The following FBXL14 variants were observed in gnomAD, a reference collection of about 807,000 sequenced individuals.
FBXL14 encodes F-box and leucine rich repeat protein 14.
Under a neutral mutation model 24.5 loss-of-function variants are expected in FBXL14, and 11 were observed. The observed-to-expected ratio is 0.45, with a 90% CI of 0.28 to 0.74. The LOEUF (loss-of-function observed/expected upper bound fraction) is 0.74. Ranked by LOEUF, FBXL14 falls within the 30% of genes least tolerant of loss-of-function variation. The pLI, the probability that FBXL14 is intolerant of heterozygous loss-of-function variation, is 0.12. For missense variants in FBXL14, 384 were observed against 545.6 expected, an observed-to-expected ratio of 0.70 and a Z score of 2.95; for synonymous variants, 294 against 240.4, an observed-to-expected ratio of 1.22 and a Z score of -2.06.
chr12:1,577,202 G>C (rs1323239172), intron 1 of FBXL14, among the ~76,000 whole-genome samples: 1 of 152,186 alleles, frequency 6.6e-6, no homozygotes, highest in African/African-American at 2.4e-5. Context: ...GCCCTGTGTG[G>C]ACAGATGCTT....
At chr12:1,576,925 C>T in intron 1 of FBXL14, among the ~76,000 whole-genome samples, 1 of 152,178 alleles carries the variant, frequency 6.6e-6, no homozygotes, top group African/African-American at 2.4e-5. Context: ...TCCCAATAAA[C>T]CGGCAGGATT....
chr12:1,590,442 T>A (rs2094486873), intron 1 of FBXL14, among the ~76,000 whole-genome samples: 1 of 152,158 alleles, frequency 6.6e-6, no homozygotes, highest in Non-Finnish European at 1.5e-5. Context: ...GTATTTTTTT[T>A]AACAATCTCA....
At chr12:1,594,764 C>T (rs960104732), upstream of FBXL14, among the ~76,000 whole-genome samples, 4 of 149,986 alleles carry the variant, frequency 2.7e-5, no homozygotes, top group Admixed American at 6.6e-5. Context: ...AGACCCCGGG[C>T]GAGCAGGCGG....
At chr12:1,580,909 G>C (rs563764066) in intron 1 of FBXL14, among the ~76,000 whole-genome samples, 2 of 152,256 alleles carry the variant, frequency 1.3e-5, no homozygotes, top group East Asian at 3.9e-4. Context: ...GCAGAGGTAG[G>C]AATGAATACA....
intron 1 of FBXL14, among the ~76,000 whole-genome samples, chr12:1,589,702 T>C (rs2094485162): frequency 6.6e-6 from 1 of 152,194 alleles, no homozygotes; most frequent in African/African-American, 2.4e-5. Context: ...CCAAAAAGGT[T>C]GAGAGATGAG....
At chr12:1,581,143 G>A (rs1019532748) in intron 1 of FBXL14, among the ~76,000 whole-genome samples, 4 of 151,830 alleles carry the variant, frequency 2.6e-5, no homozygotes, top group East Asian at 3.9e-4. Context: ...CATAGACGGC[G>A]ACAGGAAATT....
chr12:1,589,268 G>A (rs1166198044), intron 1 of FBXL14, among the ~76,000 whole-genome samples: 1 of 150,924 alleles, frequency 6.6e-6, no homozygotes, highest in Non-Finnish European at 1.5e-5. Flanking sequence ...CCATGGTGGT[G>A]TGCGCCTGTA....
intron 1 of FBXL14, among the ~76,000 whole-genome samples, chr12:1,572,538 G>A (rs1565582089): frequency 6.6e-6 from 1 of 152,334 alleles, no homozygotes; most frequent in East Asian, 1.9e-4. Context: ...AGGTCCAGGG[G>A]GCCCGCCCCA....
chr12:1,593,689 G>A lies in FBXL14; in HGVS notation c.378C>T (p.Leu126=), dbSNP rs530748229. The A allele has an allele frequency of 1.9e-6, 3 of 1,614,170 alleles. No individual in the cohort carries two copies. Among genetic ancestry groups the A allele is most frequent in the African/African-American group, 1.3e-5 (1 of 75,068 alleles). ...IGSLRALNLS[L]CKQITDSSLG... ...GGCTGCTGTCAGTGATCTGCTTGCA[G>A]AGGCTCAGGTTGAGAGCGCGCAGGG... Residue 126 remains leucine, a synonymous_variant, in exon 1 of 2, where the codon CTC becomes CTT. Transcript: ENST00000339235. This position sits in a 1 kb window ranked among gnomAD's most constrained non-coding sequence, Gnocchi z 7.4.
chr12:1,584,110 C>T (rs867234861), intron 1 of FBXL14, among the ~76,000 whole-genome samples: 50 of 151,762 alleles, frequency 3.3e-4, no homozygotes, highest in Middle Eastern at 6.4e-3. Context: ...TTTGGGAGGC[C>T]GAGATGGGAG....
At chr12:1,585,526 C>T (rs1325731288) in intron 1 of FBXL14, among the ~76,000 whole-genome samples, 1 of 151,866 alleles carries the variant, frequency 6.6e-6, no homozygotes, top group Non-Finnish European at 1.5e-5. Context: ...ATGAGAAAAA[C>T]AATGTTTTCC....
chr12:1,593,062 G>A lies in FBXL14; in HGVS notation c.1005C>T (p.Leu335=), dbSNP rs369241562. 3 of 1,612,612 alleles carry A rather than the reference G, an allele frequency of 1.9e-6. No homozygotes were observed. Among genetic ancestry groups the A allele is most frequent in the Non-Finnish European group, 2.5e-6 (3 of 1,180,042 alleles). ...TGATGCGCACACACTGTCCAATGTT[G>A]AGCGTGCGCAGCCCGTGCATCTGCC... ...MVRQMHGLRT[L]NIGQCVRITD... Residue 335 remains leucine, a synonymous_variant, in exon 1 of 2, where the codon CTC becomes CTT. Transcript: ENST00000339235. The surrounding 1 kb of genome is among the most constrained non-coding windows in gnomAD (Gnocchi z 7.4).
chr12:1,593,833 G>A lies in FBXL14; in HGVS notation c.234C>T (p.Leu78=), dbSNP rs752891958. 13 of 1,613,872 alleles carry A rather than the reference G, an allele frequency of 8.1e-6. No homozygotes were observed. The South Asian group carries it at 1.3e-4, about 16-fold the overall frequency. The change falls in exon 1 of 2, where the codon CTC becomes CTT. Residue 78 remains leucine, a synonymous_variant. Coordinates refer to ENST00000339235, the MANE Select transcript of FBXL14 (RefSeq NM_152441.3). This position sits in a 1 kb window ranked among gnomAD's most constrained non-coding sequence, Gnocchi z 7.4. ...RGIRRVQILS[L]RRSLSYVIQG... is the part of the protein sequence containing the mutation. ...GGATCACGTAGCTGAGGCTGCGGCG[G>A]AGGCTCAGGATCTGCACCCGGCGGA...
chr12:1,566,578 G>A lies in FBXL14; in HGVS notation c.*170C>T. ...GTCCCCAGAACTGGAGAAACCGGCA[G>A]GAGAATGCAGCTTCACAAGGTACCG... is the stretch of plus-strand genomic sequence containing the variant. On this transcript the variant is annotated 3_prime_UTR_variant, in exon 2 of 2. Transcript: ENST00000339235. The A allele has an allele frequency of 1.7e-6, 1 of 602,512 alleles. No homozygotes were observed. The highest frequency in any genetic ancestry group is 3.0e-6 in the Non-Finnish European group (1 of 334,706). The allele number at this position is 602,512 out of a possible 1,614,324, so 37.3% of individuals were successfully genotyped here. A position where few individuals can be genotyped will look rare whatever the true frequency, so the allele number is the denominator to read the frequency against.
intron 1 of FBXL14, among the ~76,000 whole-genome samples, chr12:1,583,229 T>TA (rs534909357): frequency 1.1e-4 from 16 of 152,158 alleles, no homozygotes; most frequent in Middle Eastern, 3.4e-3. Flanking sequence ...TCTTTTGTAA[T>TA]AAAAAAAACT....
intron 1 of FBXL14, among the ~76,000 whole-genome samples, chr12:1,570,843 G>A (rs1361257424): frequency 6.6e-6 from 1 of 151,992 alleles, no homozygotes; most frequent in African/African-American, 2.4e-5. Context: ...TCCCTTTGGT[G>A]GTCCTCCCAG....
At chr12:1,583,270 C>T (rs1009333496) in intron 1 of FBXL14, among the ~76,000 whole-genome samples, 1 of 151,426 alleles carries the variant, frequency 6.6e-6, no homozygotes, top group South Asian at 2.1e-4. Context: ...AAATTGATAC[C>T]TCCATGTATG....
intron 1 of FBXL14, among the ~76,000 whole-genome samples, chr12:1,581,044 C>T (rs73605885): frequency 2.0e-5 from 3 of 151,228 alleles, no homozygotes; most frequent in Admixed American, 6.6e-5. Context: ...AGTGTGTAGA[C>T]GGCCGTGGGA....
chr12:1,589,458 CA>C (rs1265279605), intron 1 of FBXL14, among the ~76,000 whole-genome samples: 1 of 30,550 alleles, frequency 3.3e-5, no homozygotes, highest in Non-Finnish European at 6.1e-5. Flanking sequence ...AAAAAAAAGA[CA>C]GGAAGGCAGG....
Sources: allele counts gnomAD v4.1 joint callset (sites outside exome capture counted in the v4.1 genomes callset), GRCh38; gene constraint gnomAD v4.1.1; non-coding constraint Gnocchi (gnomAD v3.1); transcripts MANE v1.5; gene names NCBI Gene and HGNC (gene_info 2026-07-23, HGNC 2026-07-21).